Variants in PTPRN2 observed in about 807,000 individuals in gnomAD.
PTPRN2 encodes receptor-type tyrosine-protein phosphatase N2.
PTPRN2 carries 74 observed loss-of-function variants against 118.8 expected under a neutral mutation model. The observed-to-expected ratio is 0.62, with a 90% CI of 0.52 to 0.76. The LOEUF is 0.76. PTPRN2 is among the 30% of genes least tolerant of loss of function. PTPRN2 has a pLI of 0.00. For missense variants in PTPRN2, 1,481 were observed against 1,394.4 expected, an observed-to-expected ratio of 1.06 and a Z score of -0.99; for synonymous variants, 641 against 608.0, an observed-to-expected ratio of 1.05 and a Z score of -0.80.
intron 5 of PTPRN2, among the ~76,000 whole-genome samples, chr7:158,171,531 A>G (rs1013188647): frequency 2.0e-5 from 3 of 151,526 alleles, no homozygotes; most frequent in African/African-American, 7.3e-5. Flanking sequence ...CTGCATTTTT[A>G]GTAGAGATGG....
chr7:158,496,253 C>T (rs1488548693), intron 1 of PTPRN2, among the ~76,000 whole-genome samples: 2 of 141,682 alleles, frequency 1.4e-5, no homozygotes, highest in Non-Finnish European at 3.1e-5. Flanking sequence ...CCCTGCACCC[C>T]TTCATCTTCC....
At position 157,603,052 on chromosome 7, in the gene PTPRN2, T is replaced by C. The variant is rs566063300; in HGVS notation, c.2418+950A>G. Among the ~76,000 whole-genome samples the C allele has an allele frequency of 2.0e-5, 3 of 152,192 alleles. No individual in the cohort carries two copies. The highest frequency in any genetic ancestry group is 4.4e-5 in the Non-Finnish European group (3 of 68,026). The stretch of plus-strand genomic sequence containing the variant: ...GAAACATGACAACCAGTGTCCGCCA[T>C]AAATCTGCATGGAGCCCCAGCCTCT... On this transcript the variant is annotated intron_variant, in intron 16 of 22. Transcript: ENST00000389418. This position sits in a 1 kb window ranked among gnomAD's most constrained non-coding sequence, Gnocchi z 5.4.
chr7:157,708,791 T>G (rs1300983583), intron 12 of PTPRN2, among the ~76,000 whole-genome samples: 2 of 152,296 alleles, frequency 1.3e-5, no homozygotes, highest in African/African-American at 4.8e-5. Context: ...AGAATGGCTA[T>G]AATCACCCAC....
At chr7:158,189,532 C>T (rs142064171) in intron 5 of PTPRN2, among the ~76,000 whole-genome samples, 4 of 152,254 alleles carry the variant, frequency 2.6e-5, no homozygotes, top group South Asian at 2.1e-4. Context: ...GGCCCTTGGA[C>T]GTCAGTCTAG....
At chr7:158,341,334 C>T (rs1806726932) in intron 2 of PTPRN2, among the ~76,000 whole-genome samples, 1 of 150,894 alleles carries the variant, frequency 6.6e-6, no homozygotes, top group African/African-American at 2.5e-5. Flanking sequence ...GTCACTCACA[C>T]CCACACTCTC....
At chr7:157,783,348 C>G (rs933338711) in intron 12 of PTPRN2, among the ~76,000 whole-genome samples, 6 of 151,494 alleles carry the variant, frequency 4.0e-5, no homozygotes, top group Admixed American at 2.6e-4. Context: ...ATGGACACTC[C>G]CATGCACAGC....
intron 1 of PTPRN2, among the ~76,000 whole-genome samples, chr7:158,550,896 G>T (rs368523196): frequency 6.6e-6 from 1 of 152,104 alleles, no homozygotes; most frequent in Non-Finnish European, 1.5e-5. Flanking sequence ...TTCCCTTCAC[G>T]CTTTCCTTCA....
chr7:157,798,833 G>A (rs1805041310), intron 12 of PTPRN2, among the ~76,000 whole-genome samples: 2 of 152,014 alleles, frequency 1.3e-5, no homozygotes, highest in South Asian at 4.2e-4. Context: ...GGGGTGGGGT[G>A]GGGCAGGGTG....
chr7:158,464,220 TCGC>T (rs1302590555), intron 2 of PTPRN2, among the ~76,000 whole-genome samples: 373 of 33,420 alleles, frequency 0.011, 132 homozygotes, highest in Admixed American at 0.023. Context: ...ATCCTTACCA[TCGC>T]CATCATTGCC....
At chr7:157,586,792 G>A (rs911654992) in intron 17 of PTPRN2, among the ~76,000 whole-genome samples, 1 of 152,242 alleles carries the variant, frequency 6.6e-6, no homozygotes. Context: ...GGACACTCAG[G>A]GCCCTGCCTC....
intron 6 of PTPRN2, among the ~76,000 whole-genome samples, chr7:158,154,911 C>T (rs1284475474): frequency 6.6e-6 from 1 of 152,190 alleles, no homozygotes; most frequent in Non-Finnish European, 1.5e-5. Flanking sequence ...CCACTACCTG[C>T]CATTTGAAGA....
intron 1 of PTPRN2, among the ~76,000 whole-genome samples, chr7:158,498,002 C>G (rs1362084551): frequency 6.6e-6 from 1 of 152,256 alleles, no homozygotes; most frequent in Non-Finnish European, 1.5e-5. Context: ...GGCTCAGGCC[C>G]CTCCAATTCA....
At chr7:158,172,917 C>T (rs1430148466) in intron 5 of PTPRN2, among the ~76,000 whole-genome samples, 1 of 151,272 alleles carries the variant, frequency 6.6e-6, no homozygotes, top group Non-Finnish European at 1.5e-5. Flanking sequence ...CCATCAATAG[C>T]AGCATCCCCA....
At chr7:158,067,693 G>A (rs956846744) in intron 11 of PTPRN2, among the ~76,000 whole-genome samples, 7 of 152,238 alleles carry the variant, frequency 4.6e-5, no homozygotes, top group South Asian at 2.1e-4. Context: ...GAGACAAGGC[G>A]TGAAGGAGTG....
At chr7:158,313,416 G>A (rs1324146564) in intron 3 of PTPRN2, among the ~76,000 whole-genome samples, 1 of 152,214 alleles carries the variant, frequency 6.6e-6, no homozygotes, top group African/African-American at 2.4e-5. Context: ...GAGTCCAACA[G>A]CCCAGGACAC....
At chr7:158,564,173 C>T (rs1440886599) in intron 1 of PTPRN2, among the ~76,000 whole-genome samples, 1 of 152,188 alleles carries the variant, frequency 6.6e-6, no homozygotes, top group Non-Finnish European at 1.5e-5. Context: ...TTTCCAACAG[C>T]TGCAGGATAT....
rs1485320352 is a variant in PTPRN2, at chr7:157,585,685, A to G, written c.2497-7545T>C. Among the ~76,000 whole-genome samples, 7 of 152,190 alleles carry G rather than the reference A, an allele frequency of 4.6e-5. No individual in the cohort carries two copies. The highest frequency in any genetic ancestry group is 1.4e-4 in the African/African-American group (6 of 41,450). On this transcript the variant is annotated intron_variant, in intron 17 of 22. Coordinates refer to ENST00000389418, the MANE Select transcript of PTPRN2 (RefSeq NM_002847.5). This position sits in a 1 kb window ranked among gnomAD's most constrained non-coding sequence, Gnocchi z 5.2. The stretch of plus-strand genomic sequence containing the variant: ...CACTGGGCGGCCTTTCCTTTTCAAG[A>G]TCAGGACCTGACATAAATGCATCAG...
chr7:158,042,664 G>A (rs933997282), intron 11 of PTPRN2, among the ~76,000 whole-genome samples: 1 of 152,198 alleles, frequency 6.6e-6, no homozygotes. Flanking sequence ...CAGGCCCAGG[G>A]CTTCCTAAGG....
intron 2 of PTPRN2, among the ~76,000 whole-genome samples, chr7:158,389,590 C>T (rs1011939065): frequency 2.6e-5 from 4 of 152,180 alleles, no homozygotes; most frequent in East Asian, 1.9e-4. Flanking sequence ...ATGGGATCTG[C>T]GAAAGATCAA....
Sources: allele counts gnomAD v4.1 joint callset (sites outside exome capture counted in the v4.1 genomes callset), GRCh38; gene constraint gnomAD v4.1.1; non-coding constraint Gnocchi (gnomAD v3.1); transcripts MANE v1.5; gene names NCBI Gene and HGNC (gene_info 2026-07-23, HGNC 2026-07-21).